MPDZ: variants seen among roughly 807,000 people sequenced by gnomAD.
MPDZ encodes multiple PDZ domain crumbs cell polarity complex component, also known as multiple PDZ domain protein.
MPDZ carries 234 observed loss-of-function variants against 239.1 expected under a neutral mutation model. The observed-to-expected ratio is 0.98, with a 90% confidence interval of 0.88 to 1.09. The LOEUF is 1.09. Among genes scored for constraint, MPDZ ranks in the 50% least tolerant of loss-of-function variants. The probability of loss-of-function intolerance (pLI) is 0.00; values close to 1 mark genes in which losing one functional copy is unlikely to be tolerated. For missense variants in MPDZ, 3,175 were observed against 2,510.0 expected, an observed-to-expected ratio of 1.26 and a Z score of -5.66; for synonymous variants, 1,048 against 881.3, an observed-to-expected ratio of 1.19 and a Z score of -3.35.
chr9:13,190,687 A>C (rs1226581701), intron 15 of MPDZ, among the ~76,000 whole-genome samples: 2 of 152,190 alleles, frequency 1.3e-5, no homozygotes, highest in Non-Finnish European at 2.9e-5. Flanking sequence ...AAACAAGAGA[A>C]AATGGATATA....
At chr9:13,118,071 C>T (rs553600660) in intron 39 of MPDZ, among the ~76,000 whole-genome samples, 9 of 152,024 alleles carry the variant, frequency 5.9e-5, no homozygotes, top group African/African-American at 1.9e-4. Flanking sequence ...CTCGAACTCC[C>T]GACGTCAGGT....
At chr9:13,171,792 T>C (rs1951816185) in intron 21 of MPDZ, among the ~76,000 whole-genome samples, 1 of 152,140 alleles carries the variant, frequency 6.6e-6, no homozygotes, top group Admixed American at 6.5e-5. Context: ...AATAACTTCT[T>C]CTGGTCATCA....
chr9:13,133,682 G>C (rs1348377748), intron 32 of MPDZ, 142 bp downstream of exon 32: 2 of 535,402 alleles, frequency 3.7e-6, no homozygotes, highest in Non-Finnish European at 3.3e-6. Context: ...GTTTGAGTGG[G>C]CCCAAGTATT....
At chr9:13,160,224 G>C (rs1950301139) in intron 23 of MPDZ, among the ~76,000 whole-genome samples, 1 of 152,176 alleles carries the variant, frequency 6.6e-6, no homozygotes, top group Non-Finnish European at 1.5e-5. Context: ...AGAACATGGA[G>C]TATGCTTACA....
At chr9:13,189,050 G>C (rs1367031717) in intron 16 of MPDZ, 57 bp from the exon 17 acceptor site, 2 of 1,477,176 alleles carry the variant, frequency 1.4e-6, no homozygotes, top group Non-Finnish European at 1.9e-6. Context: ...TTCTTCTACA[G>C]GTCGTCCACT....
chr9:13,227,647 G>A (rs1343776503), intron 3 of MPDZ, among the ~76,000 whole-genome samples: 1 of 152,092 alleles, frequency 6.6e-6, no homozygotes, highest in Non-Finnish European at 1.5e-5. Context: ...GAAAGAGTAG[G>A]TATACAGGCA....
chr9:13,154,255 A>G (rs971287020), intron 24 of MPDZ, among the ~76,000 whole-genome samples: 101 of 152,316 alleles, frequency 6.6e-4, no homozygotes, highest in African/African-American at 2.3e-3. Flanking sequence ...TGAACAGACA[A>G]TAGAAACACA....
At chr9:13,211,096 A>G (rs1957566586) in intron 10 of MPDZ, among the ~76,000 whole-genome samples, 1 of 152,092 alleles carries the variant, frequency 6.6e-6, no homozygotes, top group Non-Finnish European at 1.5e-5. Context: ...GCGGGCTTCT[A>G]ATATGCCAGG....
rs764504448 is a variant in MPDZ, at chr9:13,217,238, A to G, written c.1143T>C (p.Thr381=). Residue 381 remains threonine, a synonymous_variant, in exon 9 of 47, where the codon ACT becomes ACC. Coordinates refer to ENST00000319217, the MANE Select transcript of MPDZ (RefSeq NM_001378778.1). ...TAATTCCTAATCCTTGGACATTTTT[A>G]GTGAGTTCTACATCAAATGTCTCAC... ...EESETFDVEL[T]KNVQGLGITI... 20 of 1,604,326 alleles carry G rather than the reference A, an allele frequency of 1.2e-5. No individual in the cohort carries two copies. The South Asian group carries it at 2.3e-4, about 18-fold the overall frequency.
At chr9:13,245,156 G>C (rs1028515338) in intron 3 of MPDZ, among the ~76,000 whole-genome samples, 2 of 151,854 alleles carry the variant, frequency 1.3e-5, no homozygotes, top group African/African-American at 4.8e-5. Context: ...TAAATCAGCA[G>C]TTGGTAAACT....
chr9:13,121,990 G>A, intron 37 of MPDZ, 58 bp from the exon 38 acceptor site: 1 of 1,595,676 alleles, frequency 6.3e-7, no homozygotes, highest in South Asian at 1.1e-5. Context: ...AGAGTTAGGT[G>A]GGGAAGGGAA....
At chr9:13,253,609 G>T (rs1968670014) in intron 1 of MPDZ, among the ~76,000 whole-genome samples, 1 of 152,098 alleles carries the variant, frequency 6.6e-6, no homozygotes, top group Non-Finnish European at 1.5e-5. Context: ...GAAACTTAAG[G>T]ATACCTGAGT....
At position 13,106,800 on chromosome 9, in the gene MPDZ, G is replaced by C; in HGVS notation, c.*165C>G. ...AAAGAAAAATGATGTTAGGTTGTCA[G>C]TAAGGAAAGCATTTCTAGATGAGAA... On this transcript the variant is annotated 3_prime_UTR_variant, in exon 47 of 47. Coordinates refer to ENST00000319217, the MANE Select transcript of MPDZ (RefSeq NM_001378778.1). 7 of 676,990 alleles carry C rather than the reference G, an allele frequency of 1.0e-5. No homozygotes were observed. The South Asian group carries it at 2.4e-4, about 23-fold the overall frequency. 41.9% of individuals were successfully genotyped at this position (676,990 alleles called of 1,614,324 possible). A position where few individuals can be genotyped will look rare whatever the true frequency, so the allele number is the denominator to read the frequency against.
chr9:13,180,473 G>A (rs1953139774), intron 19 of MPDZ, among the ~76,000 whole-genome samples: 1 of 152,026 alleles, frequency 6.6e-6, no homozygotes, highest in African/African-American at 2.4e-5. Context: ...GTGTAGAGGT[G>A]TGAATAAGGA....
chr9:13,222,092 T>C, intron 6 of MPDZ, 141 bp downstream of exon 6: 3 of 617,270 alleles, frequency 4.9e-6, no homozygotes, highest in Non-Finnish European at 8.1e-6. Context: ...AGAACAAATA[T>C]TCCAGGCTGG....
At chr9:13,242,215 CTTTTTTT>C (rs145555644) in intron 3 of MPDZ, among the ~76,000 whole-genome samples, 7 of 50,754 alleles carry the variant, frequency 1.4e-4, no homozygotes, top group Non-Finnish European at 2.0e-4. Context: ...TGTTAGGATG[CTTTTTTT>C]TTTTTTTTTT....
chr9:13,205,262 T>C (rs890909857), intron 11 of MPDZ, among the ~76,000 whole-genome samples, 155 bp from the exon 12 acceptor site: 2 of 152,202 alleles, frequency 1.3e-5, no homozygotes, highest in African/African-American at 4.8e-5. Flanking sequence ...GCAAGTTCTG[T>C]TAGTGGAAAA....
chr9:13,126,422 C>A, intron 34 of MPDZ, 94 bp downstream of exon 34: 2 of 782,414 alleles, frequency 2.6e-6, no homozygotes, highest in Non-Finnish European at 4.1e-6. Context: ...AATACAGCTA[C>A]ATAACCCTAA....
chr9:13,239,664 T>C (rs1241697419), intron 3 of MPDZ, among the ~76,000 whole-genome samples: 5 of 152,166 alleles, frequency 3.3e-5, no homozygotes, highest in African/African-American at 7.2e-5. Context: ...AGAATACTCA[T>C]GCATTCATTT....
Sources: allele counts gnomAD v4.1 joint callset (sites outside exome capture counted in the v4.1 genomes callset), GRCh38; gene constraint gnomAD v4.1.1; transcripts MANE v1.5; gene names NCBI Gene and HGNC (gene_info 2026-07-23, HGNC 2026-07-21).